ARFGEF1: variants seen among roughly 807,000 people sequenced by gnomAD.
ARFGEF1 encodes the protein ARF guanine nucleotide exchange factor 1.
A neutral mutation model predicts 231.0 loss-of-function variants in ARFGEF1; 42 were observed. The ratio of observed to expected loss-of-function variants is 0.18; its 90% confidence interval spans 0.14 to 0.24. The LOEUF (loss-of-function observed/expected upper bound fraction) is 0.24, where lower values mean the gene tolerates loss of function less well. Among genes scored for constraint, ARFGEF1 ranks in the 10% least tolerant of loss-of-function variants. ARFGEF1 has a pLI of 1.00. For missense variants in ARFGEF1, 1,345 were observed against 2,192.0 expected (o/e 0.61, Z 7.72); for synonymous variants, 710 against 732.3 (o/e 0.97, Z 0.49).
intron 5 of ARFGEF1, among the ~76,000 whole-genome samples, chr8:67,295,150 A>C (rs894727765): frequency 2.0e-5 from 3 of 152,202 alleles, no homozygotes; most frequent in Non-Finnish European, 4.4e-5. Context: ...AATTCAATTA[A>C]TAAATACAGA....
intron 19 of ARFGEF1, among the ~76,000 whole-genome samples, chr8:67,246,364 T>A (rs1233566769): frequency 6.6e-6 from 1 of 150,566 alleles, no homozygotes; most frequent in East Asian, 1.9e-4. Flanking sequence ...ATGTTAGGAC[T>A]CAAAACAAAT....
intron 29 of ARFGEF1, among the ~76,000 whole-genome samples, chr8:67,222,227 A>ATGTATGTATG (rs1554636859): frequency 3.0e-4 from 35 of 115,146 alleles, no homozygotes; most frequent in South Asian, 2.0e-3. Flanking sequence ...ATATATATGT[A>ATGTATGTATG]TATGTATGTA....
chr8:67,311,373 G>A (rs1209568920), intron 1 of ARFGEF1, among the ~76,000 whole-genome samples: 15 of 128,866 alleles, frequency 1.2e-4, no homozygotes, highest in Non-Finnish European at 1.5e-4. Flanking sequence ...TGGGAAGTGA[G>A]GAGCCCCTCT....
At chr8:67,311,738 G>A (rs1251599114) in intron 1 of ARFGEF1, among the ~76,000 whole-genome samples, 1 of 152,232 alleles carries the variant, frequency 6.6e-6, no homozygotes, top group East Asian at 1.9e-4. Flanking sequence ...TGGGAGGTGT[G>A]CCCAACAGCT....
downstream of ARFGEF1, chr8:67,197,581 GGCTGA>G: frequency 2.1e-6 from 2 of 965,104 alleles, no homozygotes; most frequent in Non-Finnish European, 2.5e-6. Context: ...TTGTAGTTCT[GGCTGA>G]AAATGTCTTT....
intron 10 of ARFGEF1, among the ~76,000 whole-genome samples, 200 bp downstream of exon 10, chr8:67,271,502 T>C (rs1805098095): frequency 6.6e-6 from 1 of 152,218 alleles, no homozygotes; most frequent in Non-Finnish European, 1.5e-5. Flanking sequence ...TCTTATTTCA[T>C]TTTGCATTCT....
chr8:67,200,842 CCT>C (rs1296670624), intron 37 of ARFGEF1, among the ~76,000 whole-genome samples: 1 of 152,160 alleles, frequency 6.6e-6, no homozygotes, highest in African/African-American at 2.4e-5. Context: ...TGAGGCGACT[CCT>C]CTCTTCACTG....
At chr8:67,267,293 T>C in intron 11 of ARFGEF1, 50 bp downstream of exon 11, 1 of 1,589,744 alleles carries the variant, frequency 6.3e-7, no homozygotes, top group Non-Finnish European at 8.6e-7. Flanking sequence ...TTTGGCCTTT[T>C]AAATATCTAA....
At position 67,226,067 on chromosome 8, in the gene ARFGEF1, G is replaced by A. The variant is rs146133956; in HGVS notation, c.4033C>T (p.Arg1345Ter). ...TATTTTGCACAATGGCGAATAAGTC[G>A]AATTGCTTCCATACTTGTGTCTGGG... Reference protein sequence around the residue: ...AFPDTSMEAIRLIRHCAKYVS... With the variant: ...AFPDTSMEAI Residue 1345 changes from arginine to a stop codon, truncating the protein, a stop_gained, in exon 28 of 39, where the codon CGA (arginine) becomes TGA (stop). Coordinates refer to ENST00000262215, the MANE Select transcript of ARFGEF1 (RefSeq NM_006421.5). LOFTEE classifies it high-confidence loss of function. 1 of 1,612,762 alleles carries A rather than the reference G, an allele frequency of 6.2e-7. No homozygotes were observed. The highest frequency in any genetic ancestry group is 8.5e-7 in the Non-Finnish European group (1 of 1,179,380).
intron 1 of ARFGEF1, among the ~76,000 whole-genome samples, chr8:67,337,151 A>C (rs920963684): frequency 6.6e-6 from 1 of 150,666 alleles, no homozygotes; most frequent in African/African-American, 2.4e-5. Flanking sequence ...AAAAAAAAAA[A>C]CAGACAAAAC....
intron 33 of ARFGEF1, among the ~76,000 whole-genome samples, chr8:67,215,347 C>T (rs1340115318): frequency 6.6e-6 from 1 of 152,064 alleles, no homozygotes; most frequent in Admixed American, 6.6e-5. Flanking sequence ...ATGGGATGGA[C>T]ATGAATTTTT....
intron 29 of ARFGEF1, among the ~76,000 whole-genome samples, chr8:67,219,791 T>G (rs1373470421): frequency 6.6e-6 from 1 of 152,228 alleles, no homozygotes; most frequent in Non-Finnish European, 1.5e-5. Flanking sequence ...CTTTTTTATT[T>G]TACTTTTCCT....
At chr8:67,208,948 G>T (rs1838621751) in intron 34 of ARFGEF1, among the ~76,000 whole-genome samples, 1 of 151,620 alleles carries the variant, frequency 6.6e-6, no homozygotes, top group Admixed American at 6.6e-5. Context: ...AACAAAAAAG[G>T]CGCTGGCAAA....
At chr8:67,339,091 G>C (rs1808479701) in intron 1 of ARFGEF1, among the ~76,000 whole-genome samples, 1 of 152,086 alleles carries the variant, frequency 6.6e-6, no homozygotes, top group African/African-American at 2.4e-5. Flanking sequence ...TTGTATCTCT[G>C]GATGAAACTA....
intron 33 of ARFGEF1, among the ~76,000 whole-genome samples, chr8:67,215,957 T>C (rs1167111298): frequency 2.0e-5 from 3 of 152,348 alleles, no homozygotes; most frequent in African/African-American, 7.2e-5. Flanking sequence ...ATCTTCAGCT[T>C]TGCATGGAGA....
At chr8:67,235,973 G>C (rs1839718923) in intron 22 of ARFGEF1, among the ~76,000 whole-genome samples, 1 of 151,762 alleles carries the variant, frequency 6.6e-6, no homozygotes, top group Admixed American at 6.6e-5. Flanking sequence ...TGGTTACATG[G>C]AATACTCACG....
At chr8:67,271,045 G>GAAAAAAAAAAAAAAAAAAAAA (rs1563878469) in intron 10 of ARFGEF1, among the ~76,000 whole-genome samples, 15 of 69,604 alleles carry the variant, frequency 2.2e-4, no homozygotes, top group East Asian at 1.1e-3. Context: ...AAAAAAAAAG[G>GAAAAAAAAAAAAAAAAAAAAA]AAAAAGAAAA....
At chr8:67,258,395 G>T in intron 15 of ARFGEF1, 105 bp from the exon 16 acceptor site, 1 of 751,280 alleles carries the variant, frequency 1.3e-6, no homozygotes, top group Non-Finnish European at 2.1e-6. Flanking sequence ...GCACGATCTC[G>T]GCTCACTGCA....
rs113429691 is a variant in ARFGEF1, at chr8:67,306,254, G to T, written c.125-3788C>A. 1.9e-3 allele frequency among the ~76,000 whole-genome samples: 297 copies of T among 152,330 alleles called. 3 individuals are homozygous for T. Among genetic ancestry groups the T allele is most frequent in the African/African-American group, 6.8e-3 (283 of 41,576 alleles). On this transcript the variant is annotated intron_variant, in intron 1 of 38. Coordinates refer to ENST00000262215, the MANE Select transcript of ARFGEF1 (RefSeq NM_006421.5). ...AGATGGCTACTATGTGACTAAATGG[G>T]AAGGTAGCTTATAGAGCATGGAGAC...
Sources: gnomAD v4.1 joint callset for allele counts (sites outside exome capture counted in the v4.1 genomes callset) on GRCh38, gnomAD v4.1.1 for gene constraint, MANE v1.5 for transcripts, NCBI Gene and HGNC (gene_info 2026-07-23, HGNC 2026-07-21) for gene names.